CSMD1: variants seen among roughly 807,000 people sequenced by gnomAD.
CSMD1 encodes the protein CUB and Sushi multiple domains 1, also known as CUB and sushi domain-containing protein 1.
In CSMD1, 213 loss-of-function variants were observed where a neutral mutation model predicts 417.5. The ratio of observed to expected loss-of-function variants is 0.51; its 90% CI spans 0.46 to 0.57. The LOEUF is 0.57. Among genes scored for constraint, CSMD1 ranks in the 20% least tolerant of loss-of-function variants. The pLI is 0.00. For synonymous variants in CSMD1, 2,862 were observed against 1,736.8 expected, an observed-to-expected ratio of 1.65 and a Z score of -16.11; for missense variants, 6,923 against 4,529.7, an observed-to-expected ratio of 1.53 and a Z score of -15.17.
chr8:3,126,849 C>G (rs897816991), intron 41 of CSMD1, among the ~76,000 whole-genome samples: 1 of 152,150 alleles, frequency 6.6e-6, no homozygotes, highest in African/African-American at 2.4e-5. Flanking sequence ...GGAGGACCAG[C>G]CTGCACATGA....
intron 5 of CSMD1, among the ~76,000 whole-genome samples, chr8:3,919,659 A>C (rs1333000410): frequency 6.6e-6 from 1 of 151,522 alleles, no homozygotes; most frequent in Non-Finnish European, 1.5e-5. Flanking sequence ...TTTTTTTTCT[A>C]TTTCTGTAAA....
At chr8:3,568,091 T>C (rs912738046) in intron 10 of CSMD1, among the ~76,000 whole-genome samples, 5 of 152,180 alleles carry the variant, frequency 3.3e-5, no homozygotes, top group African/African-American at 7.2e-5. Flanking sequence ...AAAATAATTT[T>C]ATAATTTCCA....
chr8:4,951,999 G>A (rs554387675), intron 1 of CSMD1, among the ~76,000 whole-genome samples: 1 of 150,830 alleles, frequency 6.6e-6, no homozygotes, highest in Admixed American at 6.6e-5. Context: ...TATCTTAAAA[G>A]GTTTTAATTA....
intron 3 of CSMD1, among the ~76,000 whole-genome samples, chr8:4,061,008 G>T (rs531570880): frequency 6.6e-6 from 1 of 152,146 alleles, no homozygotes; most frequent in East Asian, 1.9e-4. Context: ...GCAAAAAAGA[G>T]AATTAATTTC....
At chr8:4,232,783 G>C (rs1801821544) in intron 3 of CSMD1, among the ~76,000 whole-genome samples, 1 of 152,148 alleles carries the variant, frequency 6.6e-6, no homozygotes, top group Non-Finnish European at 1.5e-5. Flanking sequence ...TTGACGTTTG[G>C]AAATGAATTG....
At chr8:3,316,619 G>T (rs531931266) in intron 23 of CSMD1, among the ~76,000 whole-genome samples, 2 of 152,210 alleles carry the variant, frequency 1.3e-5, no homozygotes, top group Admixed American at 6.5e-5. Context: ...GCTTCAAATC[G>T]CATGGCAGTT....
intron 1 of CSMD1, among the ~76,000 whole-genome samples, chr8:4,776,883 A>G (rs1796880757): frequency 1.3e-5 from 2 of 152,160 alleles, no homozygotes; most frequent in African/African-American, 4.8e-5. Flanking sequence ...GCTTATCTTC[A>G]TCTTTAAAAG....
At position 3,294,611 on chromosome 8, in the gene CSMD1, C is replaced by G. The variant is rs567622708; in HGVS notation, c.3951-10265G>C. Among the ~76,000 whole-genome samples, 124 of 152,290 alleles carry G rather than the reference C, an allele frequency of 8.1e-4. 1 individual carries two copies. The highest frequency in any genetic ancestry group is 2.8e-3 in the African/African-American group (116 of 41,568). ...AGTGAGGCTCCGTGGGGGTAGGACC[C>G]TCTGAGTCATGCACGGGATATAATC... On this transcript the variant is annotated intron_variant, in intron 25 of 69. Transcript: ENST00000635120.
chr8:3,010,408 G>GT (rs1808294218), intron 52 of CSMD1, among the ~76,000 whole-genome samples: 1 of 152,296 alleles, frequency 6.6e-6, no homozygotes, highest in Admixed American at 6.5e-5. Context: ...CCTAGAGCGG[G>GT]TGTCAGAGTT....
Position 2,998,075 on chromosome 8 carries a change from C to G in CSMD1, c.8313G>C (p.Gln2771His). 6.2e-7 allele frequency: 1 copy of G among 1,614,030 alleles called. No individual in the cohort carries two copies. Among genetic ancestry groups the G allele is most frequent in the Non-Finnish European group, 8.5e-7 (1 of 1,179,888 alleles). The change falls in exon 54 of 70, where the codon CAG becomes CAC. Residue 2771 changes from glutamine to histidine, a missense_variant. Physicochemically the swap from Gln to His is conservative, Grantham distance 24 (BLOSUM62 0). Transcript: ENST00000635120. ...NFTCNTGYLL[Q>H]GVSRAQCRSN... ...TCCGACACTGGGCTCGAGACACGCC[C>G]TGCAGCAAATAGCCCGTGTTGCAGG...
chr8:4,384,377 G>A (rs1166963927), intron 3 of CSMD1, among the ~76,000 whole-genome samples: 2 of 152,138 alleles, frequency 1.3e-5, no homozygotes, highest in Admixed American at 6.5e-5. Flanking sequence ...TCACTATGAA[G>A]CTACAAAATA....
intron 3 of CSMD1, among the ~76,000 whole-genome samples, chr8:4,368,645 G>C (rs1235679998): frequency 1.3e-5 from 2 of 151,984 alleles, no homozygotes; most frequent in African/African-American, 2.4e-5. Context: ...TTCAATTTTG[G>C]AACTTATTGG....
intron 3 of CSMD1, among the ~76,000 whole-genome samples, chr8:4,416,995 T>A (rs1048350269): frequency 3.3e-5 from 5 of 152,076 alleles, no homozygotes; most frequent in Non-Finnish European, 5.9e-5. Context: ...GCAACTATGT[T>A]GGTTCACAAT....
At chr8:4,707,636 C>A (rs902189082) in intron 1 of CSMD1, among the ~76,000 whole-genome samples, 1 of 151,956 alleles carries the variant, frequency 6.6e-6, no homozygotes, top group Non-Finnish European at 1.5e-5. Context: ...CCTGTAATCC[C>A]AGCACTTTGG....
Position 3,635,985 on chromosome 8 carries a change from C to A in CSMD1, c.1010-19188G>T, listed in dbSNP as rs150166188. Reference sequence around the variant, plus strand: ...TTAGCTTTTGGCTCTTTTGTAATAACACTTAGCTTGAAACACAAACACATT... The same window carrying A: ...TTAGCTTTTGGCTCTTTTGTAATAAAACTTAGCTTGAAACACAAACACATT... On this transcript the variant is annotated intron_variant, in intron 7 of 69. Transcript: ENST00000635120. Among the ~76,000 whole-genome samples the A allele has an allele frequency of 2.4e-3, 368 of 152,208 alleles. 2 individuals carry two copies. Among genetic ancestry groups the A allele is most frequent in the African/African-American group, 8.6e-3 (357 of 41,538 alleles).
At chr8:3,988,295 G>A (rs1005655288) in intron 5 of CSMD1, among the ~76,000 whole-genome samples, 3 of 152,100 alleles carry the variant, frequency 2.0e-5, no homozygotes, top group East Asian at 3.9e-4. Context: ...ACATCACACA[G>A]GATTTCAACA....
chr8:4,645,997 C>A (rs1803493719), intron 1 of CSMD1, among the ~76,000 whole-genome samples: 1 of 152,172 alleles, frequency 6.6e-6, no homozygotes, highest in Non-Finnish European at 1.5e-5. Context: ...ACAACAAGCA[C>A]TGTTTTATTC....
chr8:4,052,446 T>A (rs952393157), intron 3 of CSMD1, among the ~76,000 whole-genome samples: 1 of 152,146 alleles, frequency 6.6e-6, no homozygotes, highest in East Asian at 1.9e-4. Context: ...TAGTGAGGGG[T>A]GATTTTGCCC....
At chr8:3,598,868 G>C (rs1801218919) in intron 8 of CSMD1, among the ~76,000 whole-genome samples, 1 of 152,100 alleles carries the variant, frequency 6.6e-6, no homozygotes, top group African/African-American at 2.4e-5. Flanking sequence ...GGATCACAAG[G>C]TCAGGAGTTT....
Sources: gnomAD v4.1 joint callset for allele counts (sites outside exome capture counted in the v4.1 genomes callset) on GRCh38, gnomAD v4.1.1 for gene constraint, MANE v1.5 for transcripts, NCBI Gene and HGNC (gene_info 2026-07-23, HGNC 2026-07-21) for gene names.